The following CAMTA1 variants were observed in gnomAD, a reference collection of about 807,000 sequenced individuals.
CAMTA1 encodes the protein calmodulin-binding transcription activator 1.
In CAMTA1, 27 loss-of-function variants were observed where a neutral mutation model predicts 170.9. The ratio of observed to expected loss-of-function variants is 0.16; its 90% confidence interval spans 0.12 to 0.22. CAMTA1 has a LOEUF of 0.22. Ranked by LOEUF, CAMTA1 falls within the 10% of genes least tolerant of loss-of-function variation. CAMTA1 has a pLI of 1.00. For synonymous variants in CAMTA1, 833 were observed against 891.5 expected (o/e 0.93, Z 1.17); for missense variants, 1,619 against 2,217.2 (o/e 0.73, Z 5.42).
chr1:7,040,768 G>GAGT (rs1411637608), intron 3 of CAMTA1, among the ~76,000 whole-genome samples: 1 of 151,176 alleles, frequency 6.6e-6, no homozygotes, highest in African/African-American at 2.4e-5. Context: ...CTGCGGTCCA[G>GAGT]GCTGGCGTGT....
intron 5 of CAMTA1, among the ~76,000 whole-genome samples, chr1:7,315,869 TCATC>T (rs1677414911): frequency 1.3e-5 from 2 of 152,190 alleles, no homozygotes; most frequent in South Asian, 2.1e-4. Flanking sequence ...TCCTCTGTCT[TCATC>T]CATTCTCATG....
At chr1:7,687,691 G>A (rs2096270583) in intron 11 of CAMTA1, among the ~76,000 whole-genome samples, 1 of 152,158 alleles carries the variant, frequency 6.6e-6, no homozygotes, top group South Asian at 2.1e-4. Flanking sequence ...TAGGTCCGTG[G>A]GCCCCAGGAG....
intron 6 of CAMTA1, among the ~76,000 whole-genome samples, chr1:7,515,741 C>T (rs1282078452): frequency 6.6e-6 from 1 of 152,184 alleles, no homozygotes; most frequent in Non-Finnish European, 1.5e-5. Flanking sequence ...TCTCGCGAGC[C>T]CTGGACAGAC....
At chr1:7,257,411 T>G (rs558168586) in intron 5 of CAMTA1, among the ~76,000 whole-genome samples, 1 of 152,304 alleles carries the variant, frequency 6.6e-6, no homozygotes, top group East Asian at 1.9e-4. Context: ...CTGTCACTCC[T>G]CAGTTGCAAT....
At position 6,999,691 on chromosome 1, in the gene CAMTA1, G is replaced by A. The variant is rs181280068; in HGVS notation, c.235-91613G>A. Among the ~76,000 whole-genome samples the A allele has an allele frequency of 1.3e-3, 191 of 152,170 alleles. 1 individual carries two copies. The highest frequency in any genetic ancestry group is 2.3e-3 in the Non-Finnish European group (155 of 68,012). On this transcript the variant is annotated intron_variant, in intron 3 of 22. Coordinates refer to ENST00000303635, the MANE Select transcript of CAMTA1 (RefSeq NM_015215.4). ...CCGGCCGGGTCTTTTTTCTTAGAGCGGTTGTACTCCTTGGATGTTTGGTTA... is the reference window on the plus strand; with the variant it reads ...CCGGCCGGGTCTTTTTTCTTAGAGCAGTTGTACTCCTTGGATGTTTGGTTA...
intron 4 of CAMTA1, among the ~76,000 whole-genome samples, chr1:7,183,222 G>A (rs938618247): frequency 2.0e-5 from 3 of 152,046 alleles, no homozygotes; most frequent in East Asian, 1.9e-4. Flanking sequence ...AGAGGAGGAG[G>A]TGTCATGTAC....
At position 7,671,935 on chromosome 1, in the gene CAMTA1, G is replaced by A. The variant is rs1487592027; in HGVS notation, c.2779+898G>A. 1.1e-5 allele frequency: 5 copies of A among 453,064 alleles called. No individual in the cohort carries two copies. In the Admixed American group the frequency reaches 1.2e-4, roughly 11 times the overall value. The allele number at this position is 453,064 out of a possible 1,614,324, so 28.1% of individuals were successfully genotyped here. On this transcript the variant is annotated intron_variant, in intron 10 of 22. Transcript: ENST00000303635. ...TGCCGGACATGTCACAGAGGGGGAT[G>A]GAGATTGTGACGGAATGAATGAGTC...
intron 3 of CAMTA1, among the ~76,000 whole-genome samples, chr1:6,902,518 G>T (rs1477151553): frequency 1.3e-5 from 2 of 152,210 alleles, no homozygotes; most frequent in African/African-American, 4.8e-5. Context: ...GAAAACATCA[G>T]TGGTTGCTGT....
chr1:7,321,640 CA>C (rs1557512469), intron 5 of CAMTA1, among the ~76,000 whole-genome samples: 1 of 152,170 alleles, frequency 6.6e-6, no homozygotes, highest in African/African-American at 2.4e-5. Flanking sequence ...GACATTTCAG[CA>C]TCTCTTTTTG....
At chr1:7,110,033 C>G (rs958139927) in intron 4 of CAMTA1, among the ~76,000 whole-genome samples, 2 of 152,124 alleles carry the variant, frequency 1.3e-5, no homozygotes, top group African/African-American at 4.8e-5. Flanking sequence ...TGGAAATGAG[C>G]CCGAGGTGGC....
chr1:7,156,620 T>G (rs1646901689), intron 4 of CAMTA1, among the ~76,000 whole-genome samples: 1 of 152,230 alleles, frequency 6.6e-6, no homozygotes, highest in Non-Finnish European at 1.5e-5. Flanking sequence ...TTTTGGCCAG[T>G]TGCCTGCAGC....
chr1:6,901,762 G>T (rs1676988030), intron 3 of CAMTA1, among the ~76,000 whole-genome samples: 1 of 152,146 alleles, frequency 6.6e-6, no homozygotes, highest in Non-Finnish European at 1.5e-5. Context: ...TGAAACTCTT[G>T]CCTGGTGCGG....
intron 5 of CAMTA1, among the ~76,000 whole-genome samples, chr1:7,429,470 T>G (rs1313642891): frequency 6.6e-6 from 1 of 151,934 alleles, no homozygotes; most frequent in Non-Finnish European, 1.5e-5. Context: ...ATGATGACAG[T>G]GATAATACGG....
intron 5 of CAMTA1, among the ~76,000 whole-genome samples, chr1:7,314,198 ATCTGT>A (rs1677156648): frequency 6.6e-6 from 1 of 152,160 alleles, no homozygotes; most frequent in South Asian, 2.1e-4. Flanking sequence ...CACCCCTGGA[ATCTGT>A]TCCTCTCTAC....
intron 4 of CAMTA1, among the ~76,000 whole-genome samples, chr1:7,170,468 C>T (rs572555073): frequency 9.5e-4 from 145 of 152,188 alleles, no homozygotes; most frequent in Middle Eastern, 3.4e-3. Context: ...CTCCCCTTGC[C>T]CTCCAACCCC....
chr1:7,466,481 G>A (rs533019485), intron 5 of CAMTA1, among the ~76,000 whole-genome samples: 58 of 152,312 alleles, frequency 3.8e-4, no homozygotes, highest in African/African-American at 1.3e-3. Flanking sequence ...GCAGGGCTCC[G>A]ATGGACTCCT....
intron 4 of CAMTA1, among the ~76,000 whole-genome samples, chr1:7,172,509 C>G (rs927266327): frequency 4.6e-5 from 7 of 152,128 alleles, no homozygotes; most frequent in African/African-American, 1.7e-4. Context: ...GGAGCATGAA[C>G]AACAGCATGA....
In CAMTA1 at chr1:7,064,362, T is replaced by C. The variant is rs1281610550; in HGVS notation, c.235-26942T>C. ...CCTTCATGACTTGTCTCATATTAAT[T>C]AGCTTCTGAAGATCTCACCTCCAAA... On this transcript the variant is annotated intron_variant, in intron 3 of 22. Coordinates refer to ENST00000303635, the MANE Select transcript of CAMTA1 (RefSeq NM_015215.4). This position sits in a 1 kb window ranked among gnomAD's most constrained non-coding sequence, Gnocchi z 5.4. Among the ~76,000 whole-genome samples, 1 of 152,190 alleles carries C rather than the reference T, an allele frequency of 6.6e-6. No individual in the cohort carries two copies. Among genetic ancestry groups the C allele is most frequent in the Non-Finnish European group, 1.5e-5 (1 of 68,030 alleles).
intron 5 of CAMTA1, among the ~76,000 whole-genome samples, chr1:7,252,257 G>A (rs1205382874): frequency 6.6e-6 from 1 of 152,102 alleles, no homozygotes; most frequent in Non-Finnish European, 1.5e-5. Context: ...ACATCCTCTC[G>A]CTTAGTGATA....
Sources: gnomAD v4.1 joint callset for allele counts (sites outside exome capture counted in the v4.1 genomes callset) on GRCh38, gnomAD v4.1.1 for gene constraint, Gnocchi (gnomAD v3.1) non-coding constraint, MANE v1.5 for transcripts, NCBI Gene and HGNC (gene_info 2026-07-23, HGNC 2026-07-21) for gene names.